LRRC37A2: variants seen among roughly 807,000 people sequenced by gnomAD.
LRRC37A2 encodes the protein leucine rich repeat containing 37 member A2, also known as leucine-rich repeat-containing protein 37A2.
LRRC37A2 carries 9 observed loss-of-function variants against 68.8 expected under a neutral mutation model. That is an observed-to-expected ratio of 0.13 (90% CI 0.08 to 0.23). LRRC37A2 has a LOEUF of 0.23. Ranked by LOEUF, LRRC37A2 falls within the 10% of genes least tolerant of loss-of-function variation. LRRC37A2 has a pLI of 1.00. For missense variants in LRRC37A2, 168 were observed against 950.4 expected, an observed-to-expected ratio of 0.18 and a Z score of 10.82; for synonymous variants, 63 against 367.6, an observed-to-expected ratio of 0.17 and a Z score of 9.48.
chr17:46,394,859 A>T, the LRRC37A2 span, among the ~76,000 whole-genome samples: 1 of 16,562 alleles, frequency 6.0e-5, no homozygotes, highest in Admixed American at 4.7e-4. Context: ...GGCATTATTC[A>T]TAGTTGCCAA....
the LRRC37A2 span, chr17:47,027,572 T>TA: frequency 7.4e-7 from 1 of 1,354,408 alleles, no homozygotes; most frequent in Admixed American, 1.7e-5. Context: ...TATCCTGCAA[T>TA]AAAATACAGT....
At chr17:46,731,808 A>C in the LRRC37A2 span, among the ~76,000 whole-genome samples, 2 of 152,216 alleles carry the variant, frequency 1.3e-5, no homozygotes, top group Non-Finnish European at 2.9e-5. Flanking sequence ...CTGCCAGATT[A>C]CCTGCAGTAT....
the LRRC37A2 span, among the ~76,000 whole-genome samples, chr17:47,002,799 C>G: frequency 6.6e-6 from 1 of 152,034 alleles, no homozygotes; most frequent in Non-Finnish European, 1.5e-5. Flanking sequence ...CATTAACCAT[C>G]CCCACCTCCC....
At chr17:46,820,580 C>T in the LRRC37A2 span, among the ~76,000 whole-genome samples, 1 of 152,004 alleles carries the variant, frequency 6.6e-6, no homozygotes, top group South Asian at 2.1e-4. Flanking sequence ...ATGGGGATCC[C>T]TAGAGATGCT....
At chr17:46,778,851 C>T in the LRRC37A2 span, among the ~76,000 whole-genome samples, 3 of 152,256 alleles carry the variant, frequency 2.0e-5, no homozygotes, top group East Asian at 1.9e-4. Flanking sequence ...TCCTAGGTCA[C>T]CACCATTCTA....
At chr17:46,986,857 G>C in the LRRC37A2 span, among the ~76,000 whole-genome samples, 9 of 151,486 alleles carry the variant, frequency 5.9e-5, no homozygotes, top group Non-Finnish European at 1.2e-4. Flanking sequence ...CTGAGTCAGA[G>C]AAGGTAAGTG....
the LRRC37A2 span, among the ~76,000 whole-genome samples, chr17:46,977,707 C>G: frequency 6.6e-6 from 1 of 152,248 alleles, no homozygotes; most frequent in Middle Eastern, 3.2e-3. Flanking sequence ...GGGTTTCTTC[C>G]GTCTACTCAT....
At chr17:46,864,040 A>G in the LRRC37A2 span, among the ~76,000 whole-genome samples, 1 of 152,200 alleles carries the variant, frequency 6.6e-6, no homozygotes, top group South Asian at 2.1e-4. Context: ...CACTGTCCTC[A>G]TCATTGAGGG....
At chr17:46,528,732 A>G in intron 6 of LRRC37A2, 2 of 672,162 alleles carry the variant, frequency 3.0e-6, no homozygotes, top group Non-Finnish European at 5.3e-6. Context: ...CTCAAAAAAA[A>G]AAAAAAAAAG....
chr17:46,780,216 C>T, the LRRC37A2 span, among the ~76,000 whole-genome samples: 2 of 152,198 alleles, frequency 1.3e-5, no homozygotes, highest in Non-Finnish European at 1.5e-5. Flanking sequence ...CAGATGCTGC[C>T]GTCCACCCAG....
chr17:46,995,720 T>C, the LRRC37A2 span, among the ~76,000 whole-genome samples: 2,248 of 152,316 alleles, frequency 0.015, 61 homozygotes, highest in African/African-American at 0.052. Flanking sequence ...AATGATTCCC[T>C]CAGGACAGCT....
rs1296907060 is a variant in LRRC37A2 at position 46,532,964 on chromosome 17, G to A, written c.2907-7212G>A. On this transcript the variant is annotated intron_variant, in intron 6 of 14. Coordinates refer to ENST00000576629, the Ensembl canonical transcript of LRRC37A2. ...AAAAAAATGTAAAAGTTAGCTGAAC[G>A]TGGTGGCACATGCCTGTAGTCACAG... Among the ~76,000 whole-genome samples the A allele has an allele frequency of 8.3e-5, 10 of 120,928 alleles. 1 individual carries two copies. The highest frequency in any genetic ancestry group is 1.3e-4 in the African/African-American group (4 of 30,200). 79.3% of individuals were successfully genotyped at this position (120,928 alleles called of 152,430 possible).
At chr17:46,925,206 T>C in the LRRC37A2 span, among the ~76,000 whole-genome samples, 1 of 152,238 alleles carries the variant, frequency 6.6e-6, no homozygotes, top group Admixed American at 6.5e-5. Flanking sequence ...TCTGCTGTTA[T>C]ATTGGGAAAA....
the LRRC37A2 span, among the ~76,000 whole-genome samples, chr17:46,947,429 A>T: frequency 1.3e-5 from 2 of 152,130 alleles, no homozygotes; most frequent in East Asian, 3.9e-4. Flanking sequence ...ACTGCCACAC[A>T]CCTTCAGAGC....
chr17:46,762,685 G>T, the LRRC37A2 span: 4 of 151,624 alleles, frequency 2.6e-5, no homozygotes, highest in Non-Finnish European at 5.9e-5. Flanking sequence ...AAATCAAAAA[G>T]ATCAACAACT....
At chr17:46,573,159 C>T in the LRRC37A2 span, among the ~76,000 whole-genome samples, 2 of 52,518 alleles carry the variant, frequency 3.8e-5, no homozygotes, top group Non-Finnish European at 8.9e-5. Context: ...TAGTGAGAGA[C>T]ACTCGTTACA....
chr17:47,013,974 T>A, the LRRC37A2 span, among the ~76,000 whole-genome samples: 1 of 151,752 alleles, frequency 6.6e-6, no homozygotes, highest in Non-Finnish European at 1.5e-5. Context: ...GGCACATGCA[T>A]CCCAGCTACT....
At chr17:46,940,191 T>G in the LRRC37A2 span, 1 of 1,376,836 alleles carries the variant, frequency 7.3e-7, no homozygotes. Context: ...TAGCTCCCCT[T>G]TGGTAAGTTT....
the LRRC37A2 span, chr17:46,704,895 T>G: frequency 1.3e-6 from 2 of 1,567,548 alleles, no homozygotes; most frequent in Non-Finnish European, 1.7e-6. Context: ...CAAAAAGTAA[T>G]GATAATAATA....
Sources: allele counts gnomAD v4.1 joint callset (sites outside exome capture counted in the v4.1 genomes callset), GRCh38; gene constraint gnomAD v4.1.1; transcripts MANE v1.5; gene names NCBI Gene and HGNC (gene_info 2026-07-23, HGNC 2026-07-21).